Variants in LY96 observed in about 807,000 individuals in gnomAD.
LY96 encodes lymphocyte antigen 96.
LY96 carries 18 observed loss-of-function variants against 18.9 expected under a neutral mutation model. The observed-to-expected ratio is 0.95, with a 90% CI of 0.66 to 1.41. The LOEUF is 1.41. LY96 is among the 40% of genes most tolerant of loss of function. LY96 has a pLI of 0.00. For synonymous variants in LY96, 66 were observed against 62.6 expected (o/e 1.06, Z -0.26); for missense variants, 175 against 182.4 (o/e 0.96, Z 0.23).
chr8:74,014,922 C>T (rs1816612443), intron 3 of LY96, among the ~76,000 whole-genome samples: 1 of 151,868 alleles, frequency 6.6e-6, no homozygotes, highest in Non-Finnish European at 1.5e-5. Context: ...TTTAATAAGC[C>T]TGGGCTGGGC....
At chr8:74,023,199 G>A (rs963536044) in intron 3 of LY96, among the ~76,000 whole-genome samples, 1 of 152,162 alleles carries the variant, frequency 6.6e-6, no homozygotes, top group Non-Finnish European at 1.5e-5. Context: ...TCTGTCCAGT[G>A]CAACCTGCTA....
At chr8:74,002,093 T>TTCTTCCTTTC (rs1563710943) in intron 1 of LY96, among the ~76,000 whole-genome samples, 1 of 38,700 alleles carries the variant, frequency 2.6e-5, no homozygotes, top group Non-Finnish European at 4.2e-5. Context: ...CTTTCTTTCT[T>TTCTTCCTTTC]TCTCTCTCTC....
chr8:74,001,227 AATT>A (rs1816258515), intron 1 of LY96, among the ~76,000 whole-genome samples: 1 of 145,698 alleles, frequency 6.9e-6, no homozygotes. Context: ...AAAAAAAAAA[AATT>A]TTTTTTTTTT....
the LY96 span, among the ~76,000 whole-genome samples, chr8:74,094,700 T>C: frequency 1.3e-5 from 2 of 152,310 alleles, no homozygotes; most frequent in East Asian, 3.9e-4. Context: ...GAGTATAATG[T>C]CTTAGGTGCT....
chr8:74,091,959 A>G, the LY96 span, among the ~76,000 whole-genome samples: 1 of 152,252 alleles, frequency 6.6e-6, no homozygotes, highest in South Asian at 2.1e-4. Context: ...TGCTGGGGAA[A>G]CAGCAGGACA....
intron 2 of LY96, among the ~76,000 whole-genome samples, chr8:74,007,421 C>A (rs1816437074): frequency 6.6e-6 from 1 of 152,138 alleles, no homozygotes; most frequent in Non-Finnish European, 1.5e-5. Flanking sequence ...ATTATTCAGT[C>A]ATATTTTTAT....
At chr8:74,080,063 G>T in the LY96 span, among the ~76,000 whole-genome samples, 8 of 152,272 alleles carry the variant, frequency 5.3e-5, no homozygotes, top group African/African-American at 1.9e-4. Flanking sequence ...AAGAGCGAAG[G>T]AGTGGTGGCA....
the LY96 span, among the ~76,000 whole-genome samples, chr8:74,034,690 G>A: frequency 2.6e-5 from 4 of 152,074 alleles, no homozygotes; most frequent in African/African-American, 9.7e-5. Context: ...GTAGAGATGC[G>A]AATCTCCCTC....
rs764831448 is a variant in LY96, at chr8:73,991,597, T to TTG, written c.112+44_112+45dup. On this transcript the variant is annotated intron_variant, in intron 1 of 4. Coordinates refer to ENST00000284818, the MANE Select transcript of LY96 (RefSeq NM_015364.5). The stretch of plus-strand genomic sequence containing the variant: ...ACAAATAATTGTAGCATCAACTATT[T>TTG]TGAGGGTAAGTTTTCACGAGAACCG... The TTG allele has an allele frequency of 2.5e-6, 3 of 1,187,842 alleles. No homozygotes were observed. In the South Asian group the frequency reaches 3.6e-5, roughly 14 times the overall value. The allele number at this position is 1,187,842 out of a possible 1,614,324, so 73.6% of individuals were successfully genotyped here. A position where few individuals can be genotyped will look rare whatever the true frequency, so the allele number is the denominator to read the frequency against.
chr8:74,003,223 G>A (rs901753469), intron 1 of LY96, among the ~76,000 whole-genome samples: 1 of 152,254 alleles, frequency 6.6e-6, no homozygotes, highest in East Asian at 1.9e-4. Context: ...GAGAGACCTC[G>A]GGGGAAAGCA....
At chr8:74,041,876 G>T in the LY96 span, among the ~76,000 whole-genome samples, 2 of 152,138 alleles carry the variant, frequency 1.3e-5, no homozygotes, top group Non-Finnish European at 2.9e-5. Context: ...TGTGATCTTT[G>T]TTCTTTTTGC....
the LY96 span, among the ~76,000 whole-genome samples, chr8:74,081,087 C>T: frequency 0.064 from 5,861 of 91,710 alleles, 567 homozygotes; most frequent in African/African-American, 0.19. Context: ...TTCTCTTTCT[C>T]TCTTTCTTTC....
chr8:74,075,451 TG>T, the LY96 span, among the ~76,000 whole-genome samples: 5 of 152,164 alleles, frequency 3.3e-5, no homozygotes, highest in Non-Finnish European at 7.3e-5. Flanking sequence ...ATATTTTTTT[TG>T]TTGAGACAAG....
intron 3 of LY96, among the ~76,000 whole-genome samples, chr8:74,025,425 C>T (rs1816849054): frequency 2.0e-5 from 3 of 152,006 alleles, no homozygotes; most frequent in Admixed American, 2.0e-4. Context: ...AAGGCCGAGG[C>T]AGGCAGATCA....
the LY96 span, among the ~76,000 whole-genome samples, chr8:74,092,405 A>G: frequency 6.6e-6 from 1 of 152,154 alleles, no homozygotes; most frequent in Non-Finnish European, 1.5e-5. Context: ...ATCCAAGAAC[A>G]TTGGCCCCCG....
At chr8:74,054,970 G>A in the LY96 span, among the ~76,000 whole-genome samples, 4 of 152,178 alleles carry the variant, frequency 2.6e-5, no homozygotes, top group African/African-American at 9.6e-5. Flanking sequence ...GCAGTGGCCT[G>A]ATCATGACCT....
chr8:73,995,650 G>T (rs1207914915), intron 1 of LY96, among the ~76,000 whole-genome samples: 5 of 152,040 alleles, frequency 3.3e-5, no homozygotes. Flanking sequence ...AAAAAATGTG[G>T]GTGTGTGAGT....
At chr8:73,996,357 CTTCCTTCCTTCA>C (rs1424775258) in intron 1 of LY96, among the ~76,000 whole-genome samples, 14 of 105,054 alleles carry the variant, frequency 1.3e-4, no homozygotes, top group African/African-American at 2.4e-4. Flanking sequence ...TCCTTCCTTC[CTTCCTTCCTTCA>C]TTCCTTTCTT....
the LY96 span, among the ~76,000 whole-genome samples, chr8:74,051,270 T>C: frequency 6.6e-6 from 1 of 152,138 alleles, no homozygotes; most frequent in Non-Finnish European, 1.5e-5. Flanking sequence ...GAGAACAACA[T>C]GCTTTCAGGC....
Sources: allele counts gnomAD v4.1 joint callset (sites outside exome capture counted in the v4.1 genomes callset), GRCh38; gene constraint gnomAD v4.1.1; transcripts MANE v1.5; gene names NCBI Gene and HGNC (gene_info 2026-07-23, HGNC 2026-07-21).